The following RTKN2 variants were observed in gnomAD, a reference collection of about 807,000 sequenced individuals.
RTKN2 encodes the protein rhotekin 2.
RTKN2 carries 69 observed loss-of-function variants against 71.5 expected under a neutral mutation model. That is an observed-to-expected ratio of 0.96 (90% CI 0.79 to 1.18). The LOEUF is 1.18. Ranked by LOEUF, RTKN2 falls within the 50% of genes most tolerant of loss-of-function variation. The probability of loss-of-function intolerance (pLI) is 0.00; values close to 1 mark genes in which losing one functional copy is unlikely to be tolerated. For missense variants in RTKN2, 724 were observed against 719.7 expected (o/e 1.01, Z -0.07); for synonymous variants, 236 against 236.5 (o/e 1.00, Z 0.02).
chr10:62,188,982 T>C (rs990184372), downstream of RTKN2, among the ~76,000 whole-genome samples: 1 of 151,730 alleles, frequency 6.6e-6, no homozygotes, highest in African/African-American at 2.4e-5. Flanking sequence ...TCTCCTGACC[T>C]TGTGATCCGC....
intron 9 of RTKN2, among the ~76,000 whole-genome samples, chr10:62,214,623 A>G (rs1841729408): frequency 6.6e-6 from 1 of 152,196 alleles, no homozygotes; most frequent in Non-Finnish European, 1.5e-5. Flanking sequence ...AAATACAGAC[A>G]CACTGACTAC....
chr10:62,223,448 C>T (rs766602457), intron 6 of RTKN2, 116 bp from the exon 7 acceptor site: 61 of 618,006 alleles, frequency 9.9e-5, no homozygotes, highest in Non-Finnish European at 1.4e-4. Flanking sequence ...AAGCAAAGGA[C>T]GTGAATAGAC....
intron 6 of RTKN2, among the ~76,000 whole-genome samples, chr10:62,235,454 T>A (rs1842236134): frequency 6.6e-6 from 1 of 152,142 alleles, no homozygotes; most frequent in Non-Finnish European, 1.5e-5. Flanking sequence ...ACATTTCATT[T>A]TTTTGGTAGA....
At chr10:62,188,118 C>A (rs1045676732), downstream of RTKN2, among the ~76,000 whole-genome samples, 1 of 152,176 alleles carries the variant, frequency 6.6e-6, no homozygotes, top group African/African-American at 2.4e-5. Context: ...AATATGCATT[C>A]ATTTTCCTAT....
chr10:62,226,915 C>T (rs1003183076), intron 6 of RTKN2, among the ~76,000 whole-genome samples: 3 of 152,126 alleles, frequency 2.0e-5, no homozygotes, highest in African/African-American at 4.8e-5. Flanking sequence ...GAGCCAAGAT[C>T]GTGCCACTGC....
intron 2 of RTKN2, among the ~76,000 whole-genome samples, chr10:62,246,532 C>T (rs77624237): frequency 6.6e-6 from 1 of 152,074 alleles, no homozygotes; most frequent in Non-Finnish European, 1.5e-5. Context: ...AAAAAGTACC[C>T]TCTGCTGTAT....
chr10:62,219,717 G>A (rs1008605789), intron 7 of RTKN2, among the ~76,000 whole-genome samples: 12 of 152,098 alleles, frequency 7.9e-5, no homozygotes, highest in Non-Finnish European at 1.5e-4. Context: ...CAGAGGCCAA[G>A]GTGGGAGGAG....
chr10:62,192,476 T>C (rs115986174), downstream of RTKN2, among the ~76,000 whole-genome samples: 493 of 152,236 alleles, frequency 3.2e-3, 1 homozygote, highest in African/African-American at 0.011. Context: ...CGATGAGATA[T>C]CACACCCATC....
chr10:62,240,605 T>C (rs1487772734), intron 4 of RTKN2, among the ~76,000 whole-genome samples: 1 of 152,228 alleles, frequency 6.6e-6, no homozygotes, highest in African/African-American at 2.4e-5. Context: ...TATTATCATA[T>C]CTTTCCTGCT....
rs79095826 is a variant in RTKN2, at chr10:62,196,599, T to G, written c.*1309A>C. On this transcript the variant is annotated 3_prime_UTR_variant, in exon 12 of 12. Transcript: ENST00000373789. ...TAATGTAGTTCTGATCCAAATAGAGTTCTTGCTAGCTTTAAAAAGATCTCA... is the reference window on the plus strand; with the variant it reads ...TAATGTAGTTCTGATCCAAATAGAGGTCTTGCTAGCTTTAAAAAGATCTCA... The G allele has an allele frequency of 3.3e-3, 3,232 of 985,102 alleles. 83 individuals are homozygous for G. In the African/African-American group the frequency reaches 0.051, roughly 16 times the overall value. 61.0% of individuals were successfully genotyped at this position (985,102 alleles called of 1,614,324 possible).
At chr10:62,214,951 G>A in intron 9 of RTKN2, 1 of 646,076 alleles carries the variant, frequency 1.5e-6, no homozygotes, top group East Asian at 3.1e-5. Context: ...AGTTCTATCT[G>A]ATCTCTGAGA....
chr10:62,191,857 G>C (rs1290668217), downstream of RTKN2, among the ~76,000 whole-genome samples: 2 of 152,090 alleles, frequency 1.3e-5, no homozygotes, highest in Non-Finnish European at 2.9e-5. Context: ...ATGAAAATAG[G>C]AGAGGGGTTA....
intron 8 of RTKN2, among the ~76,000 whole-genome samples, chr10:62,184,917 G>A (rs1004798792): frequency 1.3e-5 from 2 of 152,154 alleles, no homozygotes; most frequent in Non-Finnish European, 2.9e-5. Context: ...CTTGCCTGAA[G>A]CTCAATTAGA....
intron 9 of RTKN2, among the ~76,000 whole-genome samples, chr10:62,211,879 T>C (rs1459584963): frequency 1.3e-5 from 2 of 152,102 alleles, no homozygotes; most frequent in Non-Finnish European, 2.9e-5. Context: ...TTATCCAGGA[T>C]GGTCTTGATC....
At chr10:62,191,400 T>G (rs530544780), downstream of RTKN2, among the ~76,000 whole-genome samples, 14 of 152,300 alleles carry the variant, frequency 9.2e-5, no homozygotes, top group East Asian at 2.5e-3. Context: ...CTGCCTTGGC[T>G]TCCCAAAGTA....
chr10:62,241,288 GACT>G (rs1177476048), intron 3 of RTKN2, 93 bp from the exon 4 acceptor site: 1 of 690,066 alleles, frequency 1.4e-6, no homozygotes, highest in South Asian at 1.8e-5. Context: ...TAATAATTCT[GACT>G]ACTATAGCTA....
chr10:62,239,235 T>C (rs918386677), intron 5 of RTKN2: 1 of 155,434 alleles, frequency 6.4e-6, no homozygotes, highest in Non-Finnish European at 1.4e-5. Flanking sequence ...ATAAAGTTGC[T>C]ATACTATTTT....
chr10:62,268,737 G>T lies in RTKN2; in HGVS notation c.-127C>A. On this transcript the variant is annotated 5_prime_UTR_variant, in exon 1 of 12. Transcript: ENST00000373789. ...ACCAAGTCCCAGTCGCAGGGGCCGG[G>T]GGCGCAGGAGGAGCCGGGCCGAAGC... is the stretch of plus-strand genomic sequence containing the variant. 3 of 968,174 alleles carry T rather than the reference G, an allele frequency of 3.1e-6. No individual in the cohort carries two copies. The highest frequency in any genetic ancestry group is 4.5e-6 in the Non-Finnish European group (3 of 661,166). 60.0% of individuals were successfully genotyped at this position (968,174 alleles called of 1,614,324 possible).
Position 62,193,385 on chromosome 10 carries a change from G to A in RTKN2, c.*4523C>T, listed in dbSNP as rs936736289. ...GAATGATCTTTTCTAATTATTAAAC[G>A]TGTCAGCATTAGTATTTTCTCCCAT... On this transcript the variant is annotated 3_prime_UTR_variant, in exon 12 of 12. Coordinates refer to ENST00000373789, the MANE Select transcript of RTKN2 (RefSeq NM_145307.4). The A allele has an allele frequency of 8.0e-5, 78 of 980,712 alleles. No homozygotes were observed. Among genetic ancestry groups the A allele is most frequent in the Non-Finnish European group, 9.1e-5 (75 of 825,790 alleles). 60.8% of individuals were successfully genotyped at this position (980,712 alleles called of 1,614,324 possible).
Sources: allele counts gnomAD v4.1 joint callset (sites outside exome capture counted in the v4.1 genomes callset), GRCh38; gene constraint gnomAD v4.1.1; transcripts MANE v1.5; gene names NCBI Gene and HGNC (gene_info 2026-07-23, HGNC 2026-07-21).